FOXP1: variants seen among roughly 807,000 people sequenced by gnomAD.
FOXP1 encodes the protein forkhead box protein P1.
A neutral mutation model predicts 98.2 loss-of-function variants in FOXP1; 15 were observed. That is an observed-to-expected ratio of 0.15 (90% CI 0.10 to 0.24). The LOEUF (loss-of-function observed/expected upper bound fraction) is 0.24. FOXP1 is among the 10% of genes least tolerant of loss of function. FOXP1 has a pLI of 1.00. For synonymous variants in FOXP1, 371 were observed against 314.5 expected (o/e 1.18, Z -1.90); for missense variants, 633 against 848.5 (o/e 0.75, Z 3.15).
chr3:71,524,082 G>A (rs1264527741), intron 2 of FOXP1, among the ~76,000 whole-genome samples: 1 of 152,142 alleles, frequency 6.6e-6, no homozygotes, highest in African/African-American at 2.4e-5. Flanking sequence ...AGTGAGTGAC[G>A]GGACAGACAC....
chr3:71,538,062 C>T (rs1045620987), intron 2 of FOXP1, among the ~76,000 whole-genome samples: 1 of 152,168 alleles, frequency 6.6e-6, no homozygotes, highest in African/African-American at 2.4e-5. Context: ...TACTATCTGG[C>T]CCTTTACAGA....
At chr3:71,233,762 G>A (rs1054470070) in intron 5 of FOXP1, among the ~76,000 whole-genome samples, 17 of 152,046 alleles carry the variant, frequency 1.1e-4, no homozygotes, top group African/African-American at 3.4e-4. Context: ...GACAAAAGAG[G>A]ATCAGGACTT....
intron 2 of FOXP1, among the ~76,000 whole-genome samples, chr3:71,522,793 G>T (rs543025429): frequency 3.3e-5 from 5 of 152,254 alleles, no homozygotes; most frequent in Non-Finnish European, 4.4e-5. Context: ...GAATGCAGTG[G>T]TCTCAAGCTG....
chr3:71,555,381 T>C (rs563198804), intron 2 of FOXP1, among the ~76,000 whole-genome samples: 2 of 152,286 alleles, frequency 1.3e-5, no homozygotes, highest in Admixed American at 6.5e-5. Context: ...TTGCTGGTCA[T>C]CTTTCACAGA....
intron 3 of FOXP1, among the ~76,000 whole-genome samples, chr3:71,452,331 G>A (rs2087031738): frequency 6.6e-6 from 1 of 152,094 alleles, no homozygotes; most frequent in African/African-American, 2.4e-5. Flanking sequence ...CATGCCAAGA[G>A]GGGGAAATGG....
intron 13 of FOXP1, 71 bp downstream of exon 13, chr3:71,000,901 T>A: frequency 1.0e-6 from 1 of 967,172 alleles, no homozygotes; most frequent in Non-Finnish European, 1.7e-6. Context: ...CAGGAACTCA[T>A]TACAGAACAC....
At chr3:71,143,348 C>A (rs528036197) in intron 6 of FOXP1, among the ~76,000 whole-genome samples, 1 of 152,242 alleles carries the variant, frequency 6.6e-6, no homozygotes, top group South Asian at 2.1e-4. Context: ...TGTGGGGATA[C>A]CTCCCTGGGA....
At chr3:71,055,437 T>C (rs1165332020) in intron 7 of FOXP1, among the ~76,000 whole-genome samples, 1 of 152,182 alleles carries the variant, frequency 6.6e-6, no homozygotes, top group Non-Finnish European at 1.5e-5. Context: ...AGATACACTG[T>C]AATTTAAAAC....
intron 6 of FOXP1, among the ~76,000 whole-genome samples, chr3:71,113,763 G>T (rs2058137506): frequency 5.3e-5 from 1 of 18,756 alleles, no homozygotes; most frequent in South Asian, 2.7e-3. Flanking sequence ...AAAATAAAAG[G>T]TCAAGTAAAA....
At chr3:71,167,248 T>C (rs887778503) in intron 6 of FOXP1, among the ~76,000 whole-genome samples, 17 of 152,176 alleles carry the variant, frequency 1.1e-4, no homozygotes, top group Admixed American at 5.9e-4. Flanking sequence ...AAGGCGGTGA[T>C]GTCCCTTTCT....
rs149691484 is a variant in FOXP1 at position 71,516,912 on chromosome 3, C to T, written c.-297-23357G>A. ...CATTCACTTAGCCAATCGACACATA[C>T]GCCATATATGAAGCACCCATCCAGG... On this transcript the variant is annotated intron_variant, in intron 2 of 20. Coordinates refer to ENST00000649528, the MANE Select transcript of FOXP1 (RefSeq NM_001349338.3). Among the ~76,000 whole-genome samples, 533 of 152,256 alleles carry T rather than the reference C, an allele frequency of 3.5e-3. 3 individuals carry two copies. Among genetic ancestry groups the T allele is most frequent in the African/African-American group, 0.012 (481 of 41,560 alleles).
chr3:71,191,863 C>T (rs988653466), intron 6 of FOXP1, among the ~76,000 whole-genome samples: 1 of 152,156 alleles, frequency 6.6e-6, no homozygotes, highest in Non-Finnish European at 1.5e-5. Flanking sequence ...ATTTTGGTGG[C>T]ATTGATTCCT....
intron 6 of FOXP1, among the ~76,000 whole-genome samples, chr3:71,138,265 C>T (rs747462130): frequency 6.6e-6 from 1 of 152,048 alleles, no homozygotes; most frequent in African/African-American, 2.4e-5. Context: ...GTAATGGGAT[C>T]GGGAAATAAG....
chr3:71,439,460 A>G (rs1159799331), intron 3 of FOXP1, among the ~76,000 whole-genome samples: 1 of 152,248 alleles, frequency 6.6e-6, no homozygotes, highest in Non-Finnish European at 1.5e-5. Flanking sequence ...GAATTACCAC[A>G]TGATCCAGCA....
chr3:71,130,850 A>G (rs774405485), intron 6 of FOXP1: 168 of 1,430,486 alleles, frequency 1.2e-4, no homozygotes, highest in Admixed American at 8.0e-4. Flanking sequence ...TAGCACTTAA[A>G]GAAATCTATT....
chr3:71,321,033 A>G (rs2075357815), intron 4 of FOXP1, among the ~76,000 whole-genome samples: 1 of 151,756 alleles, frequency 6.6e-6, no homozygotes, highest in Non-Finnish European at 1.5e-5. Context: ...AATTTAATCA[A>G]GTCGACTTCT....
chr3:71,161,400 CGTGACCT>C (rs2061129383), intron 6 of FOXP1, among the ~76,000 whole-genome samples: 3 of 152,162 alleles, frequency 2.0e-5, no homozygotes, highest in Non-Finnish European at 4.4e-5. Context: ...TCTCTCTCCA[CGTGACCT>C]CTCATCATTC....
chr3:71,224,444 T>C (rs749549179), intron 5 of FOXP1, among the ~76,000 whole-genome samples: 13 of 152,158 alleles, frequency 8.5e-5, no homozygotes, highest in South Asian at 2.1e-4. Flanking sequence ...TGGCTACTTA[T>C]GGACTCTCTG....
intron 18 of FOXP1, chr3:70,971,559 T>G (rs149813555): frequency 1.1e-3 from 167 of 154,914 alleles, no homozygotes; most frequent in Non-Finnish European, 2.0e-3. Flanking sequence ...AAAGGAAGTG[T>G]ATGCAATATG....
Sources: allele counts gnomAD v4.1 joint callset (sites outside exome capture counted in the v4.1 genomes callset), GRCh38; gene constraint gnomAD v4.1.1; transcripts MANE v1.5; gene names NCBI Gene and HGNC (gene_info 2026-07-23, HGNC 2026-07-21).